The following NCOR2 variants were observed in gnomAD, a reference collection of about 807,000 sequenced individuals.
The protein encoded by NCOR2 is nuclear receptor corepressor 2.
In NCOR2, 81 loss-of-function variants were observed where a neutral mutation model predicts 262.9. The observed-to-expected ratio is 0.31, with a 90% CI of 0.26 to 0.37. The LOEUF (loss-of-function observed/expected upper bound fraction) is 0.37. NCOR2 is among the 10% of genes least tolerant of loss of function. The pLI is 1.00. For synonymous variants in NCOR2, 1,659 were observed against 1,559.3 expected, an observed-to-expected ratio of 1.06 and a Z score of -1.51; for missense variants, 3,385 against 3,621.4, an observed-to-expected ratio of 0.93 and a Z score of 1.68.
intron 1 of NCOR2, among the ~76,000 whole-genome samples, chr12:124,533,048 T>C (rs1403347322): frequency 1.1e-4 from 9 of 83,444 alleles, no homozygotes; most frequent in South Asian, 5.0e-4. Context: ...CCACTCCTCC[T>C]CCCCCACCCC....
chr12:124,373,354 A>G (rs1250406914), intron 19 of NCOR2, among the ~76,000 whole-genome samples: 4 of 57,132 alleles, frequency 7.0e-5, no homozygotes, highest in Admixed American at 2.0e-4. Context: ...CCCCGGGCAC[A>G]GTGGACAATC....
intron 1 of NCOR2, among the ~76,000 whole-genome samples, chr12:124,520,759 C>G (rs2050139819): frequency 6.6e-6 from 1 of 152,216 alleles, no homozygotes; most frequent in Admixed American, 6.5e-5. Flanking sequence ...AAAGAACTCC[C>G]CATCACGCAA....
At chr12:124,557,588 T>C (rs2051924569) in intron 1 of NCOR2, among the ~76,000 whole-genome samples, 1 of 152,142 alleles carries the variant, frequency 6.6e-6, no homozygotes, top group Admixed American at 6.5e-5. Context: ...GGTCACAGCC[T>C]GAGGTTCCAG....
rs574801225 is a variant in NCOR2 at position 124,418,989 on chromosome 12, G to A, written c.1482+968C>T. Among the ~76,000 whole-genome samples the A allele has an allele frequency of 2.6e-5, 4 of 151,938 alleles. No individual in the cohort carries two copies. In the South Asian group the frequency reaches 6.3e-4, roughly 24 times the overall value. On this transcript the variant is annotated intron_variant, in intron 13 of 46. Coordinates refer to ENST00000405201, the Ensembl canonical transcript of NCOR2. ...GAGGACCCCAGGAAGGAAATGCCTC[G>A]ACCGACTCCAATCCAGCAGCTGCCA...
intron 1 of NCOR2, among the ~76,000 whole-genome samples, chr12:124,565,797 T>C (rs1369995385): frequency 6.6e-6 from 1 of 152,144 alleles, no homozygotes; most frequent in Non-Finnish European, 1.5e-5. Context: ...AAGTTAAGCA[T>C]CTGTCCAGGG....
intron 13 of NCOR2, 27 bp from the exon 16 acceptor site, chr12:124,402,588 G>A (rs763788167): frequency 1.3e-6 from 2 of 1,548,762 alleles, no homozygotes; most frequent in Non-Finnish European, 1.7e-6. Context: ...GAGGGCAGAG[G>A]GGAGTGGGGA....
chr12:124,372,359 T>C (rs758354006), exon 20 of NCOR2: 2 of 1,491,422 alleles, frequency 1.3e-6, no homozygotes, highest in Non-Finnish European at 1.8e-6. Context: ...TTCTCCTCCT[T>C]GGGGACCACA....
chr12:124,447,102 A>T (rs1738348516), intron 7 of NCOR2, among the ~76,000 whole-genome samples: 1 of 152,156 alleles, frequency 6.6e-6, no homozygotes, highest in Non-Finnish European at 1.5e-5. Context: ...TTTAGTAGAG[A>T]TGGGGTTTCA....
At chr12:124,342,769 C>T (rs181227432) in intron 33 of NCOR2, among the ~76,000 whole-genome samples, 12 of 152,312 alleles carry the variant, frequency 7.9e-5, no homozygotes, top group Admixed American at 1.3e-4. Context: ...TAAGTCCTGC[C>T]GGAAAAGAAA....
intron 3 of NCOR2, among the ~76,000 whole-genome samples, chr12:124,479,012 C>A (rs571559583): frequency 6.6e-6 from 1 of 152,124 alleles, no homozygotes; most frequent in Non-Finnish European, 1.5e-5. Context: ...CGGAGACCCT[C>A]TAGAACCCAC....
upstream of NCOR2, chr12:124,539,165 G>C (rs10846683): frequency 0.38 from 58,232 of 152,130 alleles, 12,038 homozygotes; most frequent in South Asian, 0.51. The surrounding 1 kb of genome is among the most constrained non-coding windows in gnomAD (Gnocchi z 5.1). Context: ...TCCCGGGGCC[G>C]GGCGTCTCCC....
intron 3 of NCOR2, among the ~76,000 whole-genome samples, chr12:124,479,499 GCGCATACACACGCA>G (rs1275289215): frequency 3.3e-5 from 5 of 149,720 alleles, no homozygotes; most frequent in Non-Finnish European, 5.9e-5. Context: ...AGGCACATGC[GCGCATACACACGCA>G]CATGCGCGCA....
chr12:124,383,603 A>G lies in NCOR2; in HGVS notation c.2019+2142T>C, dbSNP rs896450132. 3.4e-5 allele frequency: 8 copies of G among 232,800 alleles called. No individual in the cohort carries two copies. The South Asian group carries it at 6.8e-4, about 20-fold the overall frequency. The allele number at this position is 232,800 out of a possible 1,614,324, so 14.4% of individuals were successfully genotyped here. A position where few individuals can be genotyped will look rare whatever the true frequency, so the allele number is the denominator to read the frequency against. ...TAGATGGCATCCAGATAAAATAACA[A>G]TAACCACAGCAGTAAGAGTAACTAG... On this transcript the variant is annotated intron_variant, in intron 17 of 46. Transcript: ENST00000405201.
intron 15 of NCOR2, 87 bp downstream of exon 17, chr12:124,400,414 A>G: frequency 6.5e-7 from 1 of 1,535,438 alleles, no homozygotes; most frequent in Non-Finnish European, 8.8e-7. Flanking sequence ...GTTGCCAATT[A>G]ACTCAAATTG....
intron 1 of NCOR2, chr12:124,513,469 TA>T (rs1056610497): frequency 6.6e-6 from 1 of 152,126 alleles, no homozygotes; most frequent in Non-Finnish European, 1.5e-5. Flanking sequence ...CCTCGGAAGA[TA>T]GGGATAGTAG....
chr12:124,495,657 C>T (rs1302970533), upstream of NCOR2, among the ~76,000 whole-genome samples: 2 of 152,188 alleles, frequency 1.3e-5, no homozygotes, highest in African/African-American at 4.8e-5. The surrounding 1 kb of genome is among the most constrained non-coding windows in gnomAD (Gnocchi z 4.4). Flanking sequence ...CTGCCCTCAC[C>T]ACCACCCAGA....
chr12:124,339,831 T>C (rs2036285035), intron 37 of NCOR2, among the ~76,000 whole-genome samples, 175 bp downstream of exon 39: 1 of 135,478 alleles, frequency 7.4e-6, no homozygotes, highest in Admixed American at 7.5e-5. Context: ...CACACCCACC[T>C]AACCCGACCA....
chr12:124,326,422 C>T (rs1006100), intron 45 of NCOR2, 52 bp from the exon 48 acceptor site: 1,139,633 of 1,417,418 alleles, frequency 0.8, 458,763 homozygotes, highest in East Asian at 0.89. Flanking sequence ...AAGACAGCAC[C>T]GACGCTACGG....
At chr12:124,373,701 TGGACAATCATGAGGCCAGTGCGTGC>T (rs1566412703) in intron 19 of NCOR2, among the ~76,000 whole-genome samples, 3 of 78,962 alleles carry the variant, frequency 3.8e-5, no homozygotes, top group African/African-American at 1.4e-4. Context: ...CCGGGCACAG[TGGACAATCATGAGGCCAGTGCGTGC>T]GCAGGGGCCC....
Sources: gnomAD v4.1 joint callset for allele counts (sites outside exome capture counted in the v4.1 genomes callset) on GRCh38, gnomAD v4.1.1 for gene constraint, Gnocchi (gnomAD v3.1) non-coding constraint, MANE v1.5 for transcripts, NCBI Gene and HGNC (gene_info 2026-07-23, HGNC 2026-07-21) for gene names.